The following SIK3 variants were observed in gnomAD, a reference collection of about 807,000 sequenced individuals.
SIK3 encodes SIK family kinase 3.
In SIK3, 28 loss-of-function variants were observed where a neutral mutation model predicts 144.2. The ratio of observed to expected loss-of-function variants is 0.19; its 90% confidence interval spans 0.14 to 0.27. The LOEUF is 0.27. Ranked by LOEUF, SIK3 falls within the 10% of genes least tolerant of loss-of-function variation. SIK3 has a pLI of 1.00. For missense variants in SIK3, 1,319 were observed against 1,776.0 expected, an observed-to-expected ratio of 0.74 and a Z score of 4.62; for synonymous variants, 686 against 676.3, an observed-to-expected ratio of 1.01 and a Z score of -0.22.
intron 1 of SIK3, among the ~76,000 whole-genome samples, chr11:117,053,665 C>A (rs1953370110): frequency 6.6e-6 from 1 of 151,612 alleles, no homozygotes; most frequent in African/African-American, 2.4e-5. Flanking sequence ...CACCCTACCC[C>A]CTCCACTGAG....
At chr11:116,937,447 G>A (rs1048091985) in intron 3 of SIK3, among the ~76,000 whole-genome samples, 3 of 152,102 alleles carry the variant, frequency 2.0e-5, no homozygotes, top group Non-Finnish European at 4.4e-5. Context: ...AAAGCAACCT[G>A]TAAAAAATCA....
At chr11:116,976,173 G>T (rs1949940880) in intron 1 of SIK3, among the ~76,000 whole-genome samples, 1 of 152,176 alleles carries the variant, frequency 6.6e-6, no homozygotes, top group East Asian at 1.9e-4. Context: ...TCAATTTTCT[G>T]ATGGTATTGT....
intron 4 of SIK3, among the ~76,000 whole-genome samples, chr11:116,899,239 C>T (rs538344382): frequency 4.4e-4 from 67 of 151,862 alleles, no homozygotes; most frequent in African/African-American, 1.4e-3. Flanking sequence ...ATCCTTTCCC[C>T]ATTGCTTGTT....
At chr11:117,069,088 T>C (rs920636675) in intron 1 of SIK3, among the ~76,000 whole-genome samples, 1 of 149,916 alleles carries the variant, frequency 6.7e-6, no homozygotes, top group Admixed American at 6.7e-5. Flanking sequence ...AGCATGAATC[T>C]ATGGCTTTAC....
chr11:117,078,026 G>A (rs147654932), intron 1 of SIK3, among the ~76,000 whole-genome samples: 148 of 152,298 alleles, frequency 9.7e-4, no homozygotes, highest in Middle Eastern at 3.4e-3. Flanking sequence ...AAATACATTT[G>A]TAAATTAGCA....
At chr11:117,036,816 A>G (rs1240222558) in intron 1 of SIK3, among the ~76,000 whole-genome samples, 5 of 152,236 alleles carry the variant, frequency 3.3e-5, no homozygotes, top group Non-Finnish European at 7.3e-5. Context: ...AAATACGCAG[A>G]TTCTTTTTCA....
chr11:116,991,249 A>T (rs1950491933), intron 1 of SIK3, among the ~76,000 whole-genome samples: 1 of 152,160 alleles, frequency 6.6e-6, no homozygotes, highest in African/African-American at 2.4e-5. Context: ...GGAGTTTGAG[A>T]CCAGCTGGCC....
intron 11 of SIK3, 120 bp from the exon 12 acceptor site, chr11:116,874,176 T>C: frequency 9.5e-7 from 1 of 1,050,976 alleles, no homozygotes; most frequent in Non-Finnish European, 1.4e-6. Context: ...TTCCTGAATT[T>C]ATGTTTCTCT....
intron 3 of SIK3, among the ~76,000 whole-genome samples, chr11:116,952,261 G>A (rs936749215): frequency 6.6e-6 from 1 of 152,114 alleles, no homozygotes; most frequent in Admixed American, 6.5e-5. Flanking sequence ...AATTAGCCAG[G>A]TATGCTAGTG....
chr11:117,084,753 C>T (rs573988028), intron 1 of SIK3, among the ~76,000 whole-genome samples: 55 of 152,086 alleles, frequency 3.6e-4, no homozygotes, highest in Middle Eastern at 6.8e-3. Flanking sequence ...GTAAATTAGA[C>T]GTGAATGAGA....
At chr11:116,982,288 G>T (rs1296456973) in intron 1 of SIK3, among the ~76,000 whole-genome samples, 2 of 146,456 alleles carry the variant, frequency 1.4e-5, no homozygotes, top group Non-Finnish European at 3.0e-5. Context: ...CTTATGAAAT[G>T]ATGCTTTTTT....
chr11:116,914,365 C>T (rs1396102273), intron 4 of SIK3, among the ~76,000 whole-genome samples: 1 of 151,980 alleles, frequency 6.6e-6, no homozygotes, highest in Non-Finnish European at 1.5e-5. Context: ...TGTGCCACCA[C>T]AGCTGGCTGA....
chr11:117,015,966 C>T (rs1363320577), intron 1 of SIK3: 1 of 151,940 alleles, frequency 6.6e-6, no homozygotes, highest in Admixed American at 6.6e-5. Context: ...TATACAACCC[C>T]CCATTGCTAA....
chr11:116,858,297 T>TGCTGC lies in SIK3; in HGVS notation c.3167_3168insGCAGC (p.Gln1058HisfsTer15), dbSNP rs1555069329. On this transcript the variant is annotated frameshift_variant, in exon 21 of 25. Transcript: ENST00000445177. LOFTEE classifies it high-confidence loss of function. The surrounding 1 kb of genome is among the most constrained non-coding windows in gnomAD (Gnocchi z 5.4). The stretch of plus-strand genomic sequence containing the variant: ...CCTGGTATTCTTGCTGTTGCTGCTG[T>TGCTGC]TGCTGCTGCTGCTGCCGTTGTTGCT... 39 of 1,612,094 alleles carry TGCTGC rather than the reference T, an allele frequency of 2.4e-5. No homozygotes were observed. The African/African-American group carries it at 4.6e-4, about 19-fold the overall frequency.
At chr11:116,894,217 T>C (rs1225196636) in intron 6 of SIK3, among the ~76,000 whole-genome samples, 1 of 152,158 alleles carries the variant, frequency 6.6e-6, no homozygotes, top group African/African-American at 2.4e-5. Flanking sequence ...GTTCTCTAAA[T>C]AGCGGTATGT....
intron 4 of SIK3, among the ~76,000 whole-genome samples, chr11:116,915,176 T>C (rs1316830297): frequency 7.6e-6 from 1 of 131,408 alleles, no homozygotes; most frequent in Non-Finnish European, 1.6e-5. Flanking sequence ...GTATTTTTTC[T>C]TTTTGATGGG....
chr11:116,847,911 T>G (rs1366293069), intron 22 of SIK3, among the ~76,000 whole-genome samples: 1 of 152,218 alleles, frequency 6.6e-6, no homozygotes, highest in Non-Finnish European at 1.5e-5. Context: ...CCATCTCCAC[T>G]GGGACTTTGT....
chr11:116,929,411 C>T (rs1036859249), intron 3 of SIK3, among the ~76,000 whole-genome samples: 1 of 152,206 alleles, frequency 6.6e-6, no homozygotes, highest in African/African-American at 2.4e-5. Context: ...TACCAGAACA[C>T]ATCAAAGTGC....
intron 1 of SIK3, among the ~76,000 whole-genome samples, chr11:117,074,522 TTATTA>T (rs1954418610): frequency 6.6e-6 from 1 of 152,226 alleles, no homozygotes; most frequent in South Asian, 2.1e-4. Context: ...AGATGTATTA[TTATTA>T]TAAGTATAGC....
Sources: allele counts gnomAD v4.1 joint callset (sites outside exome capture counted in the v4.1 genomes callset), GRCh38; gene constraint gnomAD v4.1.1; non-coding constraint Gnocchi (gnomAD v3.1); transcripts MANE v1.5; gene names NCBI Gene and HGNC (gene_info 2026-07-23, HGNC 2026-07-21).